The following SERINC4 variants were observed in gnomAD, a reference collection of about 807,000 sequenced individuals.
The protein encoded by SERINC4 is serine incorporator 4.
SERINC4 carries 52 observed loss-of-function variants against 52.0 expected under a neutral mutation model. That is an observed-to-expected ratio of 1.00 (90% CI 0.80 to 1.26). The LOEUF is 1.26. SERINC4 is among the 50% of genes most tolerant of loss of function. The pLI, the probability that SERINC4 is intolerant of heterozygous loss-of-function variation, is 0.00. For synonymous variants in SERINC4, 264 were observed against 247.7 expected (o/e 1.07, Z -0.62); for missense variants, 723 against 632.8 (o/e 1.14, Z -1.53).
At chr15:43,796,815 A>C in intron 7 of SERINC4, 30 bp downstream of exon 7, 2 of 1,610,548 alleles carry the variant, frequency 1.2e-6, no homozygotes, top group South Asian at 2.2e-5. Context: ...AAAAGGTCTT[A>C]GCATGGAGAA....
intron 2 of SERINC4, 86 bp downstream of exon 2, chr15:43,799,224 C>G: frequency 6.6e-7 from 1 of 1,508,638 alleles, no homozygotes; most frequent in Non-Finnish European, 9.0e-7. Flanking sequence ...ACTCATTTGT[C>G]TCCTGCCCCC....
chr15:43,798,353 C>CAT, intron 4 of SERINC4, 72 bp downstream of exon 4: 1 of 1,188,450 alleles, frequency 8.4e-7, no homozygotes, highest in Non-Finnish European at 1.3e-6. Context: ...CCGGCCATTA[C>CAT]TCCTCTTCTT....
rs1346327866 is a variant in SERINC4 at position 43,798,012 on chromosome 15, T to C, written c.540A>G (p.Ala180=). 2 of 1,607,630 alleles carry C rather than the reference T, an allele frequency of 1.2e-6. No individual in the cohort carries two copies. The highest frequency in any genetic ancestry group is 2.2e-5 in the East Asian group (1 of 44,844). ...FCIPDEHLFP[A]WHYIGICGGF... ...CTCCACAGATGCCAATGTAATGCCA[T>C]GCTGCAAGATGGGCACCAGTGGAAA... The change falls in exon 5 of 12, where the codon GCA becomes GCG. Residue 180 remains alanine, a splice_region_variant and synonymous_variant. Coordinates refer to ENST00000319327, the MANE Select transcript of SERINC4 (RefSeq NM_001258031.2).
In SERINC4 at chr15:43,795,120, G is replaced by A. The variant is rs756727241; in HGVS notation, c.1437C>T (p.Leu479=). The A allele has an allele frequency of 9.9e-6, 16 of 1,614,128 alleles. No individual in the cohort carries two copies. In the East Asian group the frequency reaches 3.6e-4, roughly 36 times the overall value. The change falls in exon 12 of 12, where the codon CTC becomes CTT. Residue 479 remains leucine (L), a synonymous_variant. Coordinates refer to ENST00000319327, the MANE Select transcript of SERINC4 (RefSeq NM_001258031.2). The part of the protein sequence containing the change: ...KVASCWACVL[L]YLGLLLAPLC... ...GTGGTGCCAGTAACAGCCCCAGATA[G>A]AGGAGTACGCAGGCCCAGCATGAGG...
intron 5 of SERINC4, 50 bp downstream of exon 5, chr15:43,797,870 A>T (rs2087244347): frequency 7.4e-7 from 1 of 1,343,740 alleles, no homozygotes. Flanking sequence ...TCCATGTAGT[A>T]ATACTAGAAA....
chr15:43,798,002 T>G lies in SERINC4; in HGVS notation c.550A>C (p.Ile184Leu), dbSNP rs774722898. Reference sequence around the variant, plus strand: ...AATGCAAAGCCTCCACAGATGCCAATGTAATGCCATGCTGCAAGATGGGCA... The same window carrying G: ...AATGCAAAGCCTCCACAGATGCCAAGGTAATGCCATGCTGCAAGATGGGCA... ...DEHLFPAWHY[I>L]GICGGFAFIL... The change falls in exon 5 of 12, where the codon ATT (isoleucine) becomes CTT (leucine). Residue 184 changes from isoleucine (I) to leucine (L), a missense_variant. Physicochemically the swap from Ile to Leu is conservative, Grantham distance 5. Transcript: ENST00000319327. The G allele has an allele frequency of 3.1e-6, 5 of 1,612,592 alleles. No homozygotes were observed. The Admixed American group carries it at 8.3e-5, about 27-fold the overall frequency.
intron 5 of SERINC4, 117 bp downstream of exon 5, chr15:43,797,803 A>G (rs1217397334): frequency 1.4e-6 from 1 of 699,958 alleles, no homozygotes; most frequent in Admixed American, 2.6e-5. Flanking sequence ...CTTTTTTGAT[A>G]CTGCTCAGTG....
In SERINC4 at chr15:43,795,418, T is replaced by A; in HGVS notation, c.1313A>T (p.Tyr438Phe). ...CCAGTTGGTAAGGGTAACCATGACA[T>A]AGAGTGAGGCAAGGAAGAAGACGAA... ...FHFVFFLASLYVMVTLTNWFS... is the reference protein window; with the variant it reads ...FHFVFFLASLFVMVTLTNWFS... Residue 438 changes from tyrosine (Y) to phenylalanine (F), a missense_variant, in exon 11 of 12, where the codon TAT becomes TTT. By Grantham distance (22) the Tyr-to-Phe change is conservative. Coordinates refer to ENST00000319327, the MANE Select transcript of SERINC4 (RefSeq NM_001258031.2). 1.9e-6 allele frequency: 3 copies of A among 1,614,068 alleles called. No individual in the cohort carries two copies. Among genetic ancestry groups the A allele is most frequent in the Non-Finnish European group, 2.5e-6 (3 of 1,180,000 alleles).
chr15:43,799,226 C>A, intron 2 of SERINC4, 84 bp downstream of exon 2: 1 of 1,510,442 alleles, frequency 6.6e-7, no homozygotes, highest in Non-Finnish European at 9.0e-7. Context: ...TCATTTGTCT[C>A]CTGCCCCCAA....
In SERINC4 at chr15:43,796,042, A is replaced by G. The variant is rs1048296857; in HGVS notation, c.1140+113T>C. ...GCCTAGCACATTGTGGGTACTCAAT[A>G]AAAGGTAACAGCAGCTATAATCTGA... On this transcript the variant is annotated intron_variant, in intron 9 of 11. Coordinates refer to ENST00000319327, the MANE Select transcript of SERINC4 (RefSeq NM_001258031.2). 6.2e-6 allele frequency: 5 copies of G among 806,428 alleles called. No individual in the cohort carries two copies. The Admixed American group carries it at 1.0e-4, about 17-fold the overall frequency. The allele number at this position is 806,428 out of a possible 1,614,324, so 50.0% of individuals were successfully genotyped here. A position where few individuals can be genotyped will look rare whatever the true frequency, so the allele number is the denominator to read the frequency against.
chr15:43,797,908 T>C lies in SERINC4; in HGVS notation c.632+12A>G. On this transcript the variant is annotated intron_variant, in intron 5 of 11. Transcript: ENST00000319327. ...TCCCCAGGAAAAGCCTTTAGGGTTA[T>C]GTGCCCCTTACCAGTTCTTGTTCCA... The C allele has an allele frequency of 6.3e-7, 1 of 1,598,482 alleles. No individual in the cohort carries two copies.
chr15:43,796,535 G>C (rs553966251), intron 8 of SERINC4, 81 bp downstream of exon 8: 1 of 1,447,144 alleles, frequency 6.9e-7, no homozygotes, highest in South Asian at 1.2e-5. Flanking sequence ...TTTAAATAAT[G>C]GTCCCAGACA....
chr15:43,796,766 T>C (rs1413223178), intron 7 of SERINC4, 24 bp from the exon 8 acceptor site: 5 of 1,614,052 alleles, frequency 3.1e-6, no homozygotes, highest in Middle Eastern at 1.6e-4. Context: ...ACAGAAGAGA[T>C]GGGTATTAAC....
At position 43,796,433 on chromosome 15, in the gene SERINC4, C is replaced by A. The variant is rs148538977; in HGVS notation, c.1067+183G>T. On this transcript the variant is annotated intron_variant, in intron 8 of 11. Transcript: ENST00000319327. Reference sequence around the variant, plus strand: ...ATTCTCAAGTCATTCCCCCCACCCCCTTCATCTCATACAGATCATCTGACA... The same window carrying A: ...ATTCTCAAGTCATTCCCCCCACCCCATTCATCTCATACAGATCATCTGACA... The A allele has an allele frequency of 3.9e-4, 291 of 747,834 alleles. No individual in the cohort carries two copies. The African/African-American group carries it at 4.7e-3, about 12-fold the overall frequency. 46.3% of individuals were successfully genotyped at this position (747,834 alleles called of 1,614,324 possible).
chr15:43,795,752 C>T lies in SERINC4; in HGVS notation c.1141-16G>A, dbSNP rs2087200184. 6.2e-7 allele frequency: 1 copy of T among 1,612,696 alleles called. No individual in the cohort carries two copies. Among genetic ancestry groups the T allele is most frequent in the Non-Finnish European group, 8.5e-7 (1 of 1,179,340 alleles). On this transcript the variant is annotated splice_polypyrimidine_tract_variant and intron_variant, in intron 9 of 11. Transcript: ENST00000319327. ...GTGAGGGCTTCTGCAAAACAGAACG[C>T]AGGTTTTGGAATGGTCTTAAAAGAT...
Position 43,798,956 on chromosome 15 carries a change from A to G in SERINC4, c.458+3T>C. 4 of 1,550,492 alleles carry G rather than the reference A, an allele frequency of 2.6e-6. No homozygotes were observed. The highest frequency in any genetic ancestry group is 3.5e-6 in the Non-Finnish European group (4 of 1,146,976). On this transcript the variant is annotated splice_donor_region_variant and intron_variant, in intron 3 of 11. Coordinates refer to ENST00000319327, the MANE Select transcript of SERINC4 (RefSeq NM_001258031.2). Reference sequence around the variant, plus strand: ...CCTCCCCACCCAGAAAGTACACACAAACCTATTATGCAGCTGTGCCCGCGG... The same window carrying G: ...CCTCCCCACCCAGAAAGTACACACAGACCTATTATGCAGCTGTGCCCGCGG...
At chr15:43,797,454 G>T (rs1239112129) in intron 5 of SERINC4, 98 bp from the exon 6 acceptor site, 1 of 895,706 alleles carries the variant, frequency 1.1e-6, no homozygotes, top group Non-Finnish European at 1.7e-6. Flanking sequence ...GTGCAATGGT[G>T]TGGTCTCAGC....
At position 43,797,576 on chromosome 15, in the gene SERINC4, A is replaced by G. The variant is rs551404503; in HGVS notation, c.633-220T>C. 38 of 540,482 alleles carry G rather than the reference A, an allele frequency of 7.0e-5. No homozygotes were observed. The East Asian group carries it at 1.2e-3, about 18-fold the overall frequency. 33.5% of individuals were successfully genotyped at this position (540,482 alleles called of 1,614,324 possible). On this transcript the variant is annotated intron_variant, in intron 5 of 11. Coordinates refer to ENST00000319327, the MANE Select transcript of SERINC4 (RefSeq NM_001258031.2). ...TCCAGCTAACTTTTATATTTTTACT[A>G]GAGATGGGGTTTCACCATGTTGGCC... is the stretch of plus-strand genomic sequence containing the variant.
rs953327474 is a variant in SERINC4 at position 43,800,024 on chromosome 15, A to C, written c.-38T>G. 15 of 1,416,908 alleles carry C rather than the reference A, an allele frequency of 1.1e-5. No homozygotes were observed. In the African/African-American group the frequency reaches 2.0e-4, roughly 19 times the overall value. The allele number at this position is 1,416,908 out of a possible 1,614,324, so 87.8% of individuals were successfully genotyped here. ...GATTAGGCTTAGGTCCACCAGATGG[A>C]AGGCAGATGAGAGCAGCAGTTGCTT... On this transcript the variant is annotated 5_prime_UTR_variant, in exon 1 of 12. Transcript: ENST00000319327.
Sources: gnomAD v4.1 joint callset for allele counts on GRCh38, gnomAD v4.1.1 for gene constraint, MANE v1.5 for transcripts, NCBI Gene and HGNC (gene_info 2026-07-23, HGNC 2026-07-21) for gene names.